POLR3B: variants seen among roughly 807,000 people sequenced by gnomAD.
The protein encoded by POLR3B is DNA-directed RNA polymerase III subunit RPC2.
In POLR3B, 96 loss-of-function variants were observed where a neutral mutation model predicts 147.4. The ratio of observed to expected loss-of-function variants is 0.65; its 90% CI spans 0.55 to 0.77. POLR3B has a LOEUF of 0.77. Ranked by LOEUF, POLR3B falls within the 30% of genes least tolerant of loss-of-function variation. The pLI is 0.00. For missense variants in POLR3B, 1,036 were observed against 1,413.5 expected, an observed-to-expected ratio of 0.73 and a Z score of 4.28; for synonymous variants, 461 against 485.9, an observed-to-expected ratio of 0.95 and a Z score of 0.67.
intron 13 of POLR3B, among the ~76,000 whole-genome samples, chr12:106,428,004 C>T (rs10861604): frequency 0.33 from 49,780 of 152,000 alleles, 11,126 homozygotes; most frequent in African/African-American, 0.64. Context: ...GTATAATCTA[C>T]CATGTTGATT....
At chr12:106,365,684 C>T (rs527297160) in intron 2 of POLR3B, among the ~76,000 whole-genome samples, 1 of 151,900 alleles carries the variant, frequency 6.6e-6, no homozygotes, top group Admixed American at 6.6e-5. Flanking sequence ...CATGGTGTAA[C>T]CCCGTTTCTA....
chr12:106,415,070 C>T (rs2037283153), intron 12 of POLR3B, among the ~76,000 whole-genome samples: 1 of 152,206 alleles, frequency 6.6e-6, no homozygotes, highest in Non-Finnish European at 1.5e-5. Context: ...GCCTGTGCCA[C>T]TTCCTAAATA....
intron 27 of POLR3B, among the ~76,000 whole-genome samples, chr12:106,508,657 G>A (rs11113016): frequency 0.26 from 39,373 of 152,076 alleles, 6,427 homozygotes; most frequent in East Asian, 0.69. Context: ...CAGCTCTTCC[G>A]GAAAGAAGAG....
intron 10 of POLR3B, among the ~76,000 whole-genome samples, chr12:106,403,428 A>G (rs1372269973): frequency 6.6e-6 from 1 of 151,088 alleles, no homozygotes; most frequent in Admixed American, 6.6e-5. Context: ...TAGAACTAGA[A>G]ATACCATTTG....
intron 9 of POLR3B, among the ~76,000 whole-genome samples, chr12:106,385,194 A>G (rs1254164038): frequency 3.3e-5 from 5 of 152,344 alleles, no homozygotes; most frequent in Non-Finnish European, 7.3e-5. Context: ...TGTTGTGACC[A>G]TAGGCTCACA....
At chr12:106,397,805 G>A (rs1486938284) in intron 10 of POLR3B, among the ~76,000 whole-genome samples, 1 of 152,236 alleles carries the variant, frequency 6.6e-6, no homozygotes, top group Non-Finnish European at 1.5e-5. Context: ...AAATCTTTGT[G>A]TGGATGTGTG....
chr12:106,488,030 TGGA>T (rs1464927021), intron 23 of POLR3B, among the ~76,000 whole-genome samples: 2 of 152,010 alleles, frequency 1.3e-5, no homozygotes, highest in African/African-American at 4.8e-5. Context: ...ACCTCAAAAG[TGGA>T]GGAGGACTAA....
chr12:106,414,628 A>G (rs2037276928), intron 12 of POLR3B, among the ~76,000 whole-genome samples: 1 of 152,066 alleles, frequency 6.6e-6, no homozygotes, highest in Admixed American at 6.6e-5. Flanking sequence ...CCTACTCCCT[A>G]CCATGGCTTC....
chr12:106,504,380 T>A lies in POLR3B; in HGVS notation c.3272+126T>A, dbSNP rs1418900415. ...TCTGTGATCACTAACATACCCTCCC[T>A]CATGCATGTATTCCTGTCATTGGGG... On this transcript the variant is annotated intron_variant, in intron 27 of 27. Transcript: ENST00000228347. This position sits in a 1 kb window ranked among gnomAD's most constrained non-coding sequence, Gnocchi z 4.6. 9 of 785,758 alleles carry A rather than the reference T, an allele frequency of 1.1e-5. No homozygotes were observed. Among genetic ancestry groups the A allele is most frequent in the African/African-American group, 1.0e-4 (6 of 59,208 alleles). 48.7% of individuals were successfully genotyped at this position (785,758 alleles called of 1,614,324 possible). A position where few individuals can be genotyped will look rare whatever the true frequency, so the allele number is the denominator to read the frequency against.
chr12:106,509,489 C>T lies in POLR3B; in HGVS notation c.3342C>T (p.Phe1114=). ...TTCCGTATGCCTGCAAGCTGCTCTT[C>T]CAGGAACTACAGTCTATGAACATCA... The part of the protein sequence containing the change: ...LRIPYACKLL[F]QELQSMNIIP... Residue 1114 remains phenylalanine, a synonymous_variant, in exon 28 of 28, where the codon TTC becomes TTT. Coordinates refer to ENST00000228347, the MANE Select transcript of POLR3B (RefSeq NM_018082.6). 1 of 1,611,726 alleles carries T rather than the reference C, an allele frequency of 6.2e-7. No individual in the cohort carries two copies. The highest frequency in any genetic ancestry group is 1.1e-5 in the South Asian group (1 of 91,024).
At chr12:106,366,064 G>A (rs2036532114) in intron 2 of POLR3B, among the ~76,000 whole-genome samples, 1 of 152,068 alleles carries the variant, frequency 6.6e-6, no homozygotes, top group Non-Finnish European at 1.5e-5. Context: ...CCTGCCGGAG[G>A]CTCTTCTTGA....
chr12:106,500,895 A>G (rs1193243523), intron 25 of POLR3B, among the ~76,000 whole-genome samples: 1 of 152,230 alleles, frequency 6.6e-6, no homozygotes, highest in African/African-American at 2.4e-5. Context: ...TGGTGAGTTC[A>G]GGACAGAAGA....
chr12:106,362,023 A>T (rs1015726370), intron 1 of POLR3B, among the ~76,000 whole-genome samples: 1 of 152,212 alleles, frequency 6.6e-6, no homozygotes, highest in South Asian at 2.1e-4. Context: ...TGAGGAACAG[A>T]GAAGCTAAAT....
Position 106,504,104 on chromosome 12 carries a change from G to A in POLR3B, c.3122G>A (p.Arg1041His), listed in dbSNP as rs1454644949. Reference protein sequence around the residue: ...LTRQPTEGRSRDGGLRLGEME... With the variant: ...LTRQPTEGRSHDGGLRLGEME... ...AGGCAACCCACTGAAGGACGGTCTC[G>A]TGATGGTGGCTTGCGTCTCGGGGAA... The change falls in exon 27 of 28, where the codon CGT becomes CAT. Residue 1041 changes from arginine to histidine, a missense_variant. By Grantham distance (29) the Arg-to-His change is conservative. Transcript: ENST00000228347. The surrounding 1 kb of genome is among the most constrained non-coding windows in gnomAD (Gnocchi z 4.6). 1.1e-5 allele frequency: 17 copies of A among 1,614,018 alleles called. No individual in the cohort carries two copies. The highest frequency in any genetic ancestry group is 1.6e-4 in the Middle Eastern group (1 of 6,082).
chr12:106,459,345 A>G lies in POLR3B; in HGVS notation c.2547A>G (p.Pro849=), dbSNP rs752119970. ...AAGGAAGTAATGTACCACAGCAACC[A>G]CAGTACAAAGATGTACCCATAACGT... The part of the protein sequence containing the change: ...PLEGSNVPQQ[P]QYKDVPITYK... Residue 849 remains proline (P), a synonymous_variant, in exon 22 of 28, where the codon CCA becomes CCG. Transcript: ENST00000228347. 7.0e-6 allele frequency: 11 copies of G among 1,574,738 alleles called. No individual in the cohort carries two copies. Among genetic ancestry groups the G allele is most frequent in the Non-Finnish European group, 9.6e-6 (11 of 1,144,076 alleles).
chr12:106,461,120 A>G (rs1284862146), intron 22 of POLR3B, among the ~76,000 whole-genome samples: 1 of 151,810 alleles, frequency 6.6e-6, no homozygotes, highest in Admixed American at 6.6e-5. Context: ...ATTGAGATGG[A>G]GTCTCGCACT....
intron 19 of POLR3B, among the ~76,000 whole-genome samples, chr12:106,453,116 C>G (rs1481128354): frequency 6.6e-6 from 1 of 150,900 alleles, no homozygotes; most frequent in Non-Finnish European, 1.5e-5. Flanking sequence ...CCTCTACTTC[C>G]TGGGCTCAAG....
intron 6 of POLR3B, among the ~76,000 whole-genome samples, chr12:106,370,678 C>G (rs1325606117): frequency 6.9e-6 from 1 of 144,854 alleles, no homozygotes; most frequent in African/African-American, 2.6e-5. Flanking sequence ...GTTACCCAGG[C>G]TGGAGTGCAG....
Position 106,510,127 on chromosome 12 carries a change from G to A in POLR3B, c.*578G>A, listed in dbSNP as rs1042257405. 6 of 165,840 alleles carry A rather than the reference G, an allele frequency of 3.6e-5. No homozygotes were observed. Among genetic ancestry groups the A allele is most frequent in the African/African-American group, 1.2e-4 (5 of 41,576 alleles). The allele number at this position is 165,840 out of a possible 1,614,324, so 10.3% of individuals were successfully genotyped here. The stretch of plus-strand genomic sequence containing the variant: ...AGCAAGAATGTCGTCTTCTCCTATG[G>A]ACTCAATTGCTATTATTTTAAACCT... On this transcript the variant is annotated 3_prime_UTR_variant, in exon 28 of 28. Coordinates refer to ENST00000228347, the MANE Select transcript of POLR3B (RefSeq NM_018082.6).
Sources: allele counts gnomAD v4.1 joint callset (sites outside exome capture counted in the v4.1 genomes callset), GRCh38; gene constraint gnomAD v4.1.1; non-coding constraint Gnocchi (gnomAD v3.1); transcripts MANE v1.5; gene names NCBI Gene and HGNC (gene_info 2026-07-23, HGNC 2026-07-21).